The following EXT1 variants were observed in gnomAD, a reference collection of about 807,000 sequenced individuals.
EXT1 encodes exostosin glycosyltransferase 1, also known as exostosin-1.
In EXT1, 20 loss-of-function variants were observed where a neutral mutation model predicts 82.5. That is an observed-to-expected ratio of 0.24 (90% confidence interval 0.17 to 0.35). EXT1 has a LOEUF of 0.35. Ranked by LOEUF, EXT1 falls within the 10% of genes least tolerant of loss-of-function variation. The pLI is 1.00. For synonymous variants in EXT1, 348 were observed against 350.8 expected (o/e 0.99, Z 0.09); for missense variants, 757 against 936.5 (o/e 0.81, Z 2.50).
chr8:118,045,289 T>C (rs1334123927), intron 1 of EXT1, among the ~76,000 whole-genome samples: 1 of 152,200 alleles, frequency 6.6e-6, no homozygotes, highest in Non-Finnish European at 1.5e-5. Flanking sequence ...AACTGCCCCA[T>C]CACTCAAACA....
chr8:118,027,310 C>G (rs1013774325), intron 1 of EXT1, among the ~76,000 whole-genome samples: 1 of 124,104 alleles, frequency 8.1e-6, no homozygotes, highest in African/African-American at 3.8e-5. Context: ...AAATCAGTTT[C>G]TTTCACACAC....
intron 1 of EXT1, among the ~76,000 whole-genome samples, chr8:117,959,408 C>T (rs1814653220): frequency 6.6e-6 from 1 of 152,214 alleles, no homozygotes; most frequent in Non-Finnish European, 1.5e-5. Flanking sequence ...TGTGCCCTTG[C>T]TAGCTAGCAC....
chr8:117,818,419 C>G lies in EXT1; in HGVS notation c.1632+16G>C, dbSNP rs756241600. 37 of 1,611,626 alleles carry G rather than the reference C, an allele frequency of 2.3e-5. No homozygotes were observed. Among genetic ancestry groups the G allele is most frequent in the Non-Finnish European group, 2.7e-5 (32 of 1,177,888 alleles). ...CTCCACAGTGGTTCCACATATAGGTCCCCTTCGAGTCTTACCTTGCTCTCT... is the reference window on the plus strand; with the variant it reads ...CTCCACAGTGGTTCCACATATAGGTGCCCTTCGAGTCTTACCTTGCTCTCT... On this transcript the variant is annotated intron_variant, in intron 7 of 10. Coordinates refer to ENST00000378204, the MANE Select transcript of EXT1 (RefSeq NM_000127.3).
chr8:117,901,911 TG>T (rs1243878432), intron 1 of EXT1, among the ~76,000 whole-genome samples: 3 of 152,206 alleles, frequency 2.0e-5, no homozygotes, highest in African/African-American at 7.2e-5. Flanking sequence ...TTATTCAGGC[TG>T]GTCTCAAACT....
intron 1 of EXT1, among the ~76,000 whole-genome samples, chr8:118,095,700 A>C (rs1817599541): frequency 1.3e-5 from 2 of 152,232 alleles, no homozygotes; most frequent in African/African-American, 2.4e-5. Flanking sequence ...TGGCCTTCCT[A>C]ATCTTTTGTA....
chr8:117,920,194 T>A (rs1048996767), intron 1 of EXT1, among the ~76,000 whole-genome samples: 1 of 152,138 alleles, frequency 6.6e-6, no homozygotes, highest in African/African-American at 2.4e-5. Context: ...AACCTCCACC[T>A]CCCAGGTTCA....
intron 1 of EXT1, among the ~76,000 whole-genome samples, chr8:117,892,768 C>T (rs1257865208): frequency 6.6e-6 from 1 of 152,152 alleles, no homozygotes; most frequent in Non-Finnish European, 1.5e-5. Flanking sequence ...GTGGTAAGAA[C>T]TGGTTGAATG....
chr8:118,097,871 G>A (rs1421435882), intron 1 of EXT1, among the ~76,000 whole-genome samples: 4 of 152,226 alleles, frequency 2.6e-5, no homozygotes, highest in African/African-American at 9.6e-5. Flanking sequence ...GAAAACCACA[G>A]CTGGGTGTTA....
In EXT1 at chr8:117,799,731, C is replaced by T. The variant is rs2129679376; in HGVS notation, c.2222G>A (p.Arg741Gln). The T allele has an allele frequency of 6.2e-7, 1 of 1,614,064 alleles. No individual in the cohort carries two copies. The highest frequency in any genetic ancestry group is 8.5e-7 in the Non-Finnish European group (1 of 1,180,006). ...DQVSILRKKY[R>Q]DIERL ...GATTCCTCAAAGTCGCTCAATGTCTCGGTATTTCTTCCTCAAAATAGAGAC... is the reference window on the plus strand; with the variant it reads ...GATTCCTCAAAGTCGCTCAATGTCTTGGTATTTCTTCCTCAAAATAGAGAC... The change falls in exon 11 of 11, where the codon CGA (arginine) becomes CAA (glutamine). Residue 741 changes from arginine to glutamine, a missense_variant. Transcript: ENST00000378204.
intron 4 of EXT1, among the ~76,000 whole-genome samples, chr8:117,823,224 C>T (rs936280109): frequency 1.3e-5 from 2 of 152,242 alleles, no homozygotes; most frequent in Middle Eastern, 3.4e-3. Flanking sequence ...AAACATCCTA[C>T]ATAATAGGAC....
In EXT1 at chr8:118,066,097, TG is replaced by T. The variant is rs373705423; in HGVS notation, c.962+43987del. ...GAGATATGAGTTAATCAACTATAGT[TG>T]GCCCTTGAACAACATAGGTTTGAAC... is the stretch of plus-strand genomic sequence containing the variant. On this transcript the variant is annotated intron_variant, in intron 1 of 10. Transcript: ENST00000378204. Among the ~76,000 whole-genome samples the T allele has an allele frequency of 2.5e-3, 377 of 152,306 alleles. 3 individuals carry two copies. In the South Asian group the frequency reaches 0.03, roughly 12 times the overall value.
intron 10 of EXT1, among the ~76,000 whole-genome samples, chr8:117,800,270 T>C (rs1439981476): frequency 1.3e-5 from 2 of 152,222 alleles, no homozygotes; most frequent in African/African-American, 4.8e-5. Flanking sequence ...GTGTTTCTGC[T>C]TTCAAAGAGT....
At chr8:117,820,202 G>A (rs17450494) in intron 5 of EXT1, among the ~76,000 whole-genome samples, 15,629 of 152,142 alleles carry the variant, frequency 0.1, 1,166 homozygotes, top group African/African-American at 0.21. Flanking sequence ...CTGACTAATC[G>A]TATTTCAAAT....
chr8:118,069,290 A>T (rs1009772525), intron 1 of EXT1, among the ~76,000 whole-genome samples: 3 of 152,188 alleles, frequency 2.0e-5, no homozygotes, highest in Non-Finnish European at 4.4e-5. Context: ...TTAGCTTAAA[A>T]TTTCTACAAA....
At chr8:118,088,804 C>T (rs1311621542) in intron 1 of EXT1, among the ~76,000 whole-genome samples, 1 of 151,946 alleles carries the variant, frequency 6.6e-6, no homozygotes, top group Non-Finnish European at 1.5e-5. Context: ...GAGCTGTACT[C>T]ACTAGTGCCA....
At chr8:117,823,793 G>A (rs1350923883) in intron 4 of EXT1, among the ~76,000 whole-genome samples, 1 of 152,130 alleles carries the variant, frequency 6.6e-6, no homozygotes, top group African/African-American at 2.4e-5. Flanking sequence ...TTAGTTCAAT[G>A]ATTTCTGCAT....
At chr8:118,104,030 G>C (rs1817768263) in intron 1 of EXT1, among the ~76,000 whole-genome samples, 1 of 152,248 alleles carries the variant, frequency 6.6e-6, no homozygotes, top group East Asian at 1.9e-4. Context: ...TTTTGTAGAA[G>C]AGAATGGACT....
At chr8:117,987,165 C>T (rs1815339937) in intron 1 of EXT1, among the ~76,000 whole-genome samples, 2 of 152,144 alleles carry the variant, frequency 1.3e-5, no homozygotes, top group African/African-American at 4.8e-5. Flanking sequence ...GAGTTGGAAG[C>T]AAAGGAACAT....
chr8:118,041,809 G>A (rs545416166), intron 1 of EXT1, among the ~76,000 whole-genome samples: 4 of 152,148 alleles, frequency 2.6e-5, no homozygotes, highest in Middle Eastern at 3.4e-3. Flanking sequence ...TTAGCTCGGC[G>A]TGGTGGCACA....
Sources: allele counts gnomAD v4.1 joint callset (sites outside exome capture counted in the v4.1 genomes callset), GRCh38; gene constraint gnomAD v4.1.1; transcripts MANE v1.5; gene names NCBI Gene and HGNC (gene_info 2026-07-23, HGNC 2026-07-21).